The following SLC10A7 variants were observed in gnomAD, a reference collection of about 807,000 sequenced individuals.
The protein encoded by SLC10A7 is sodium/bile acid cotransporter 7.
A neutral mutation model predicts 43.2 loss-of-function variants in SLC10A7; 29 were observed. The observed-to-expected ratio is 0.67, with a 90% CI of 0.50 to 0.92. The LOEUF is 0.92. Ranked by LOEUF, SLC10A7 falls within the 40% of genes least tolerant of loss-of-function variation. The pLI is 0.00. For synonymous variants in SLC10A7, 152 were observed against 144.8 expected, an observed-to-expected ratio of 1.05 and a Z score of -0.35; for missense variants, 295 against 403.2, an observed-to-expected ratio of 0.73 and a Z score of 2.30.
intron 5 of SLC10A7, among the ~76,000 whole-genome samples, chr4:146,334,934 T>C (rs1733773322): frequency 6.6e-6 from 1 of 151,988 alleles, no homozygotes; most frequent in Admixed American, 6.6e-5. Flanking sequence ...TGGGAACCTG[T>C]GTTACGACTA....
In SLC10A7 at chr4:146,445,680, C is replaced by T. The variant is rs568998830; in HGVS notation, c.397-2859G>A. On this transcript the variant is annotated intron_variant, in intron 4 of 11. Coordinates refer to ENST00000335472, the MANE Select transcript of SLC10A7 (RefSeq NM_001029998.6). ...TCCAGGAAAAATCAGGTCACACAAA[C>T]AAATCAAAGGGTAGTTAATGTGGAG... is the stretch of plus-strand genomic sequence containing the variant. Among the ~76,000 whole-genome samples, 18 of 152,188 alleles carry T rather than the reference C, an allele frequency of 1.2e-4. No homozygotes were observed. The South Asian group carries it at 2.5e-3, about 21-fold the overall frequency.
intron 5 of SLC10A7, among the ~76,000 whole-genome samples, chr4:146,336,620 T>C (rs189555550): frequency 6.6e-6 from 1 of 152,186 alleles, no homozygotes; most frequent in East Asian, 1.9e-4. Flanking sequence ...GTAATTTGTC[T>C]GGGCCAGCAG....
At chr4:146,388,909 GC>G (rs1738211504) in intron 5 of SLC10A7, among the ~76,000 whole-genome samples, 1 of 152,088 alleles carries the variant, frequency 6.6e-6, no homozygotes, top group Non-Finnish European at 1.5e-5. Flanking sequence ...TAATTAAAAA[GC>G]TCCTGTACAG....
At chr4:146,392,768 TA>T (rs990264950) in intron 5 of SLC10A7, among the ~76,000 whole-genome samples, 42 of 152,286 alleles carry the variant, frequency 2.8e-4, no homozygotes, top group African/African-American at 1.0e-3. Context: ...TCAAATTGAA[TA>T]GCATCATTCT....
At chr4:146,280,333 T>C (rs1729468169) in intron 10 of SLC10A7, among the ~76,000 whole-genome samples, 1 of 152,190 alleles carries the variant, frequency 6.6e-6, no homozygotes, top group Non-Finnish European at 1.5e-5. Context: ...CTAACTGATA[T>C]TACCTAAAAT....
chr4:146,327,659 T>C (rs753984625), intron 5 of SLC10A7, among the ~76,000 whole-genome samples: 41 of 152,236 alleles, frequency 2.7e-4, no homozygotes, highest in South Asian at 1.0e-3. Flanking sequence ...AAGTACAACA[T>C]GGTCCCTATG....
chr4:146,521,379 G>C lies in SLC10A7; in HGVS notation c.100+239C>G, dbSNP rs75472436. 2.0e-4 allele frequency among the ~76,000 whole-genome samples: 30 copies of C among 152,268 alleles called. No individual in the cohort carries two copies. The East Asian group carries it at 5.0e-3, about 25-fold the overall frequency. On this transcript the variant is annotated intron_variant, in intron 1 of 11. Coordinates refer to ENST00000335472, the MANE Select transcript of SLC10A7 (RefSeq NM_001029998.6). Reference sequence around the variant, plus strand: ...CTGTAACCTCACTTCTTGACACTCAGGATAGTCATTGTTTGTCTACGGAAA... The same window carrying C: ...CTGTAACCTCACTTCTTGACACTCACGATAGTCATTGTTTGTCTACGGAAA...
At chr4:146,330,094 G>C (rs1733429106) in intron 5 of SLC10A7, among the ~76,000 whole-genome samples, 1 of 152,108 alleles carries the variant, frequency 6.6e-6, no homozygotes. Flanking sequence ...GTTGTCTCCT[G>C]AAAAAACTTT....
chr4:146,428,822 C>T (rs1284665542), intron 5 of SLC10A7, among the ~76,000 whole-genome samples: 5 of 152,110 alleles, frequency 3.3e-5, no homozygotes, highest in African/African-American at 7.2e-5. Context: ...CTCTACAATG[C>T]TATATAATAG....
At chr4:146,501,274 C>T (rs962591372) in intron 4 of SLC10A7, among the ~76,000 whole-genome samples, 7 of 152,162 alleles carry the variant, frequency 4.6e-5, no homozygotes, top group East Asian at 1.9e-4. Flanking sequence ...TCTAATTCTT[C>T]GTTAGTATGT....
At chr4:146,471,523 T>TA (rs1176108048) in intron 4 of SLC10A7, among the ~76,000 whole-genome samples, 1 of 152,186 alleles carries the variant, frequency 6.6e-6, no homozygotes, top group African/African-American at 2.4e-5. Flanking sequence ...GTCACTCCTA[T>TA]TTGGTGAGGC....
rs183645777 is a variant in SLC10A7, at chr4:146,495,829, G to A, written c.396+8020C>T. Among the ~76,000 whole-genome samples, 11 of 143,148 alleles carry A rather than the reference G, an allele frequency of 7.7e-5. No homozygotes were observed. In the South Asian group the frequency reaches 2.5e-3, roughly 33 times the overall value. The allele number at this position is 143,148 out of a possible 152,430, so 93.9% of individuals were successfully genotyped here. On this transcript the variant is annotated intron_variant, in intron 4 of 11. Transcript: ENST00000335472. ...CACACAGAGGCACATACACATACTTGTTATCTTTCTTCTATACCCCAAATC... is the reference window on the plus strand; with the variant it reads ...CACACAGAGGCACATACACATACTTATTATCTTTCTTCTATACCCCAAATC...
At chr4:146,433,929 A>G (rs1579176182) in intron 5 of SLC10A7, among the ~76,000 whole-genome samples, 1 of 152,342 alleles carries the variant, frequency 6.6e-6, no homozygotes, top group East Asian at 1.9e-4. Flanking sequence ...TAAAGTATGC[A>G]GCATTTTACC....
chr4:146,433,618 C>A (rs932711098), intron 5 of SLC10A7, among the ~76,000 whole-genome samples: 2 of 152,112 alleles, frequency 1.3e-5, no homozygotes, highest in Non-Finnish European at 2.9e-5. Context: ...ACAATCCCAG[C>A]ACTTTTCAAG....
intron 4 of SLC10A7, among the ~76,000 whole-genome samples, chr4:146,444,199 C>G (rs1272622033): frequency 1.3e-5 from 2 of 152,198 alleles, no homozygotes; most frequent in Non-Finnish European, 2.9e-5. Flanking sequence ...GTGACACCAA[C>G]AGGGAACACT....
chr4:146,438,182 G>A (rs919344505), intron 5 of SLC10A7, among the ~76,000 whole-genome samples: 3 of 151,982 alleles, frequency 2.0e-5, no homozygotes, highest in African/African-American at 4.8e-5. Flanking sequence ...CCAAAGCAGA[G>A]AGAAGACAGA....
intron 5 of SLC10A7, among the ~76,000 whole-genome samples, chr4:146,360,626 G>T (rs574096043): frequency 1.3e-5 from 2 of 151,832 alleles, no homozygotes; most frequent in South Asian, 4.2e-4. Context: ...TTGTTTGTTT[G>T]TTTTTTTGTT....
At chr4:146,287,135 G>GAGTGGTGAGAAGGACCGTGTCTGC (rs1730074282) in intron 9 of SLC10A7, among the ~76,000 whole-genome samples, 1 of 151,718 alleles carries the variant, frequency 6.6e-6, no homozygotes, top group African/African-American at 2.4e-5. Flanking sequence ...ACCGTGTCTG[G>GAGTGGTGAGAAGGACCGTGTCTGC]AGTGGTGAGA....
intron 5 of SLC10A7, among the ~76,000 whole-genome samples, chr4:146,415,913 C>T (rs1305811479): frequency 6.6e-6 from 1 of 152,152 alleles, no homozygotes; most frequent in Non-Finnish European, 1.5e-5. Context: ...GAGCACTGTA[C>T]AAATAGTGAG....
Sources: gnomAD v4.1 joint callset for allele counts (sites outside exome capture counted in the v4.1 genomes callset) on GRCh38, gnomAD v4.1.1 for gene constraint, MANE v1.5 for transcripts, NCBI Gene and HGNC (gene_info 2026-07-23, HGNC 2026-07-21) for gene names.